COL11A1: variants seen among roughly 807,000 people sequenced by gnomAD.
The protein encoded by COL11A1 is collagen alpha-1(XI) chain.
COL11A1 carries 74 observed loss-of-function variants against 265.2 expected under a neutral mutation model. That is an observed-to-expected ratio of 0.28 (90% CI 0.23 to 0.34). The LOEUF is 0.34. Ranked by LOEUF, COL11A1 falls within the 10% of genes least tolerant of loss-of-function variation. The pLI, the probability that COL11A1 is intolerant of heterozygous loss-of-function variation, is 1.00. For missense variants in COL11A1, 2,165 were observed against 2,263.6 expected, an observed-to-expected ratio of 0.96 and a Z score of 0.88; for synonymous variants, 816 against 727.6, an observed-to-expected ratio of 1.12 and a Z score of -1.96.
At chr1:102,961,730 C>A (rs1660926303) in intron 41 of COL11A1, 136 bp downstream of exon 41, 1 of 758,276 alleles carries the variant, frequency 1.3e-6, no homozygotes, top group Non-Finnish European at 2.3e-6. Context: ...TTAGTGGGAA[C>A]TAGGCATTGA....
At chr1:103,106,425 C>T (rs1486141671) in intron 1 of COL11A1, among the ~76,000 whole-genome samples, 1 of 152,102 alleles carries the variant, frequency 6.6e-6, no homozygotes, top group Non-Finnish European at 1.5e-5. Flanking sequence ...GGTCCTTTTC[C>T]AGTACCACTG....
chr1:102,938,334 C>T (rs1658361602), intron 44 of COL11A1, among the ~76,000 whole-genome samples: 2 of 151,566 alleles, frequency 1.3e-5, no homozygotes, highest in Admixed American at 1.3e-4. Flanking sequence ...TCTGTACTCC[C>T]CCAATTTATG....
intron 41 of COL11A1, among the ~76,000 whole-genome samples, chr1:102,951,704 C>T (rs571420964): frequency 6.6e-6 from 1 of 152,096 alleles, no homozygotes; most frequent in East Asian, 1.9e-4. Context: ...CGCGCCACTG[C>T]ACTCCAGAGC....
intron 63 of COL11A1, among the ~76,000 whole-genome samples, chr1:102,886,086 C>T (rs1650937890): frequency 6.6e-6 from 1 of 152,110 alleles, no homozygotes; most frequent in South Asian, 2.1e-4. Context: ...CAAAATAGTT[C>T]AACATGCAGT....
intron 37 of COL11A1, among the ~76,000 whole-genome samples, chr1:102,969,629 TTCAG>T (rs1332725989): frequency 2.0e-5 from 3 of 152,242 alleles, no homozygotes; most frequent in Non-Finnish European, 4.4e-5. Context: ...TGGTAAGTTG[TTCAG>T]TCAATTTGTT....
intron 42 of COL11A1, among the ~76,000 whole-genome samples, chr1:102,946,636 G>A (rs1351086939): frequency 6.6e-6 from 1 of 151,686 alleles, no homozygotes; most frequent in Admixed American, 6.6e-5. Flanking sequence ...CTCCCTCACA[G>A]GTATTACGGT....
chr1:102,998,247 A>G, intron 25 of COL11A1, 63 bp downstream of exon 25: 1 of 1,314,682 alleles, frequency 7.6e-7, no homozygotes, highest in Non-Finnish European at 1.1e-6. Context: ...TCTAAAACAC[A>G]TGTAAAATCT....
At chr1:102,921,295 A>G (rs1163208346) in intron 48 of COL11A1, among the ~76,000 whole-genome samples, 1 of 152,194 alleles carries the variant, frequency 6.6e-6, no homozygotes, top group Non-Finnish European at 1.5e-5. Context: ...TATCTATTGA[A>G]TGGAAAATGT....
At chr1:102,952,890 T>C (rs1660022815) in intron 41 of COL11A1, among the ~76,000 whole-genome samples, 1 of 152,000 alleles carries the variant, frequency 6.6e-6, no homozygotes, top group South Asian at 2.1e-4. Flanking sequence ...AGAAGTTATA[T>C]TTTTTAAGCA....
chr1:103,034,003 C>G (rs12076301), intron 4 of COL11A1, among the ~76,000 whole-genome samples: 4 of 152,028 alleles, frequency 2.6e-5, no homozygotes, highest in African/African-American at 9.7e-5. Flanking sequence ...CCCCCTACCC[C>G]CCAGAACTAT....
chr1:102,887,614 A>G (rs1198691399), intron 62 of COL11A1, among the ~76,000 whole-genome samples: 2 of 152,184 alleles, frequency 1.3e-5, no homozygotes, highest in Non-Finnish European at 2.9e-5. Context: ...GCAGAGCTAT[A>G]TCAAATAGTT....
chr1:103,048,336 A>T (rs1382915920), intron 4 of COL11A1, among the ~76,000 whole-genome samples: 1 of 151,992 alleles, frequency 6.6e-6, no homozygotes, highest in East Asian at 1.9e-4. Flanking sequence ...TCTTGGGAGG[A>T]TGTATGTGTC....
chr1:102,995,210 C>A (rs1432677930), intron 28 of COL11A1, among the ~76,000 whole-genome samples: 1 of 152,020 alleles, frequency 6.6e-6, no homozygotes, highest in Non-Finnish European at 1.5e-5. Context: ...TGGGGCTTTG[C>A]AGGCCTGCTA....
intron 14 of COL11A1, among the ~76,000 whole-genome samples, chr1:103,012,057 A>T (rs538069193): frequency 6.6e-6 from 1 of 152,320 alleles, no homozygotes; most frequent in Non-Finnish European, 1.5e-5. Flanking sequence ...TTCTTTTTTA[A>T]CAAACATTTT....
At chr1:102,895,586 G>T (rs1652324075) in intron 57 of COL11A1, among the ~76,000 whole-genome samples, 1 of 151,980 alleles carries the variant, frequency 6.6e-6, no homozygotes, top group African/African-American at 2.4e-5. Flanking sequence ...ATTCATCATG[G>T]AGAAAGTATT....
In COL11A1 at chr1:102,888,641, G is replaced by C; in HGVS notation, c.4555-11C>G. 6.2e-7 allele frequency: 1 copy of C among 1,613,856 alleles called. No homozygotes were observed. The highest frequency in any genetic ancestry group is 8.5e-7 in the Non-Finnish European group (1 of 1,179,816). The stretch of plus-strand genomic sequence containing the variant: ...CTGGCCAGCGGGTCCCTGTTAGAAA[G>C]AAGAGAGAGGACATAAATAAAGAAG... On this transcript the variant is annotated splice_polypyrimidine_tract_variant and intron_variant, in intron 61 of 66. Coordinates refer to ENST00000370096, the MANE Select transcript of COL11A1 (RefSeq NM_001854.4).
At chr1:103,012,340 C>T in intron 14 of COL11A1, 73 bp downstream of exon 14, 1 of 1,089,856 alleles carries the variant, frequency 9.2e-7, no homozygotes, top group South Asian at 1.3e-5. Flanking sequence ...ATGCACAATC[C>T]CTGGAAGAAG....
Position 102,877,965 on chromosome 1 carries a change from T to A in COL11A1, c.*54A>T. ...AAACTTGCATGTGGCACAAAATGGG[T>A]TGGTGGCACCAAGGTATATTTTCTG... On this transcript the variant is annotated 3_prime_UTR_variant, in exon 67 of 67. Transcript: ENST00000370096. 6.3e-7 allele frequency: 1 copy of A among 1,592,726 alleles called. No individual in the cohort carries two copies. The highest frequency in any genetic ancestry group is 2.2e-5 in the East Asian group (1 of 44,610).
chr1:102,939,188 T>C, intron 43 of COL11A1, 100 bp from the exon 44 acceptor site: 7 of 1,049,058 alleles, frequency 6.7e-6, no homozygotes, highest in African/African-American at 1.6e-5. Flanking sequence ...TATAATTACA[T>C]GCTAGTGTGT....
Sources: gnomAD v4.1 joint callset for allele counts (sites outside exome capture counted in the v4.1 genomes callset) on GRCh38, gnomAD v4.1.1 for gene constraint, MANE v1.5 for transcripts, NCBI Gene and HGNC (gene_info 2026-07-23, HGNC 2026-07-21) for gene names.